The following PDE7B variants were observed in gnomAD, a reference collection of about 807,000 sequenced individuals.
PDE7B encodes phosphodiesterase 7B.
A neutral mutation model predicts 56.2 loss-of-function variants in PDE7B; 29 were observed. The ratio of observed to expected loss-of-function variants is 0.52; its 90% CI spans 0.38 to 0.70. The LOEUF is 0.70. Ranked by LOEUF, PDE7B falls within the 30% of genes least tolerant of loss-of-function variation. PDE7B has a pLI of 0.00. For missense variants in PDE7B, 490 were observed against 565.0 expected (o/e 0.87, Z 1.35); for synonymous variants, 197 against 196.9 (o/e 1.00, Z 0.00).
At chr6:136,067,886 A>G (rs537366707) in intron 2 of PDE7B, among the ~76,000 whole-genome samples, 39 of 152,364 alleles carry the variant, frequency 2.6e-4, no homozygotes, top group African/African-American at 8.4e-4. Flanking sequence ...GAATCAATGA[A>G]AAGAGAAGGT....
intron 1 of PDE7B, among the ~76,000 whole-genome samples, chr6:135,878,723 ATCT>A: frequency 6.6e-6 from 1 of 152,296 alleles, no homozygotes; most frequent in South Asian, 2.1e-4. Flanking sequence ...TTGGGAGGGT[ATCT>A]TCTTTTCTAT....
At chr6:135,872,410 A>G (rs879523162) in intron 1 of PDE7B, among the ~76,000 whole-genome samples, 1 of 152,170 alleles carries the variant, frequency 6.6e-6, no homozygotes, top group Non-Finnish European at 1.5e-5. Context: ...TTTTAAAAAT[A>G]TTTTCAATTT....
chr6:135,991,878 AGATT>A (rs1044232044), intron 2 of PDE7B: 1 of 152,232 alleles, frequency 6.6e-6, no homozygotes, highest in Non-Finnish European at 1.5e-5. Flanking sequence ...GCATGAAGAT[AGATT>A]ATTTTCCTGT....
At chr6:136,071,475 C>T (rs566153582) in intron 2 of PDE7B, among the ~76,000 whole-genome samples, 99 of 152,202 alleles carry the variant, frequency 6.5e-4, no homozygotes, top group African/African-American at 1.8e-3. Context: ...CACACACACA[C>T]GTGTGTATAC....
intron 2 of PDE7B, among the ~76,000 whole-genome samples, chr6:136,002,453 C>T (rs1293419455): frequency 6.6e-6 from 1 of 152,104 alleles, no homozygotes; most frequent in Non-Finnish European, 1.5e-5. Flanking sequence ...ATTCAGGAAA[C>T]CCATCTCACG....
chr6:136,013,895 G>A (rs1775932991), intron 2 of PDE7B, among the ~76,000 whole-genome samples: 1 of 152,192 alleles, frequency 6.6e-6, no homozygotes, highest in Admixed American at 6.5e-5. Flanking sequence ...CAAACTTGTG[G>A]ATAAATATGA....
intron 2 of PDE7B, among the ~76,000 whole-genome samples, chr6:136,001,869 G>A (rs550074271): frequency 9.4e-4 from 143 of 151,526 alleles, no homozygotes; most frequent in East Asian, 1.7e-3. Context: ...GATACTCCTC[G>A]AGAAGAGCAA....
intron 1 of PDE7B, among the ~76,000 whole-genome samples, chr6:135,903,452 G>A (rs1255743425): frequency 1.3e-5 from 2 of 152,182 alleles, no homozygotes; most frequent in Admixed American, 6.6e-5. Context: ...ACTCAGTTTA[G>A]TGTCTGAGCT....
At chr6:136,057,512 G>C (rs1776758658) in intron 2 of PDE7B, among the ~76,000 whole-genome samples, 1 of 151,864 alleles carries the variant, frequency 6.6e-6, no homozygotes, top group Non-Finnish European at 1.5e-5. Context: ...TTTAAAATTT[G>C]GTTGTGTCAA....
intron 2 of PDE7B, among the ~76,000 whole-genome samples, chr6:136,063,479 A>G (rs1776879200): frequency 6.6e-6 from 1 of 152,122 alleles, no homozygotes; most frequent in Non-Finnish European, 1.5e-5. Context: ...GGACCTCCTC[A>G]TTTTGCACCT....
intron 2 of PDE7B, among the ~76,000 whole-genome samples, chr6:136,079,163 C>T (rs1462238843): frequency 1.3e-5 from 2 of 152,104 alleles, no homozygotes; most frequent in Non-Finnish European, 2.9e-5. Context: ...ATATATATCA[C>T]TTTCACATCA....
At chr6:136,156,361 G>A (rs1385687456) in intron 8 of PDE7B, among the ~76,000 whole-genome samples, 1 of 152,042 alleles carries the variant, frequency 6.6e-6, no homozygotes, top group Non-Finnish European at 1.5e-5. Flanking sequence ...GACTAATTCT[G>A]TTTTTCATAG....
intron 1 of PDE7B, among the ~76,000 whole-genome samples, chr6:135,884,071 A>AAGCTTAGTATGT (rs1775659551): frequency 6.6e-6 from 1 of 152,194 alleles, no homozygotes; most frequent in Admixed American, 6.5e-5. Context: ...AGTATGTATA[A>AAGCTTAGTATGT]ATAAATTCCT....
intron 1 of PDE7B, among the ~76,000 whole-genome samples, chr6:135,926,930 T>A (rs1261715717): frequency 6.6e-6 from 1 of 152,232 alleles, no homozygotes; most frequent in African/African-American, 2.4e-5. Context: ...TGAATTAATG[T>A]AGCTGCTTGA....
intron 2 of PDE7B, among the ~76,000 whole-genome samples, chr6:136,028,646 C>A (rs1458274149): frequency 1.3e-5 from 2 of 152,174 alleles, no homozygotes; most frequent in Non-Finnish European, 2.9e-5. Flanking sequence ...TCTTCAAAGT[C>A]ACCAATGACC....
intron 2 of PDE7B, among the ~76,000 whole-genome samples, chr6:135,979,252 T>C (rs1775250427): frequency 6.6e-6 from 1 of 151,730 alleles, no homozygotes; most frequent in Non-Finnish European, 1.5e-5. Flanking sequence ...GGATAAGCTT[T>C]TTGATGTGCT....
chr6:136,147,684 T>G lies in PDE7B; in HGVS notation c.318+182T>G, dbSNP rs537750381. On this transcript the variant is annotated intron_variant, in intron 4 of 12. Coordinates refer to ENST00000308191, the MANE Select transcript of PDE7B (RefSeq NM_018945.4). Reference sequence around the variant, plus strand: ...ATGAAATTAACAGAAACATCCCCCTTATGAGGTGCACGAAGTAAACCATGT... The same window carrying G: ...ATGAAATTAACAGAAACATCCCCCTGATGAGGTGCACGAAGTAAACCATGT... 5.3e-5 allele frequency among the ~76,000 whole-genome samples: 8 copies of G among 152,184 alleles called. No individual in the cohort carries two copies. In the South Asian group the frequency reaches 8.3e-4, roughly 16 times the overall value.
chr6:135,946,855 G>T (rs909592455), intron 1 of PDE7B, among the ~76,000 whole-genome samples: 2 of 152,036 alleles, frequency 1.3e-5, no homozygotes, highest in African/African-American at 2.4e-5. Context: ...ATAACTGATT[G>T]TATCTCTGCA....
intron 2 of PDE7B, among the ~76,000 whole-genome samples, chr6:136,056,446 GAA>G (rs2128211968): frequency 7.0e-6 from 1 of 142,038 alleles, no homozygotes; most frequent in African/African-American, 2.6e-5. Context: ...CTACAAAGCT[GAA>G]AAGTTAGTTA....
Sources: gnomAD v4.1 joint callset for allele counts (sites outside exome capture counted in the v4.1 genomes callset) on GRCh38, gnomAD v4.1.1 for gene constraint, MANE v1.5 for transcripts, NCBI Gene and HGNC (gene_info 2026-07-23, HGNC 2026-07-21) for gene names.